The following SELENON variants were observed in gnomAD, a reference collection of about 807,000 sequenced individuals.
The protein encoded by SELENON is selenoprotein N.
In SELENON, 44 loss-of-function variants were observed where a neutral mutation model predicts 59.5. The observed-to-expected ratio is 0.74, with a 90% CI of 0.58 to 0.95. The LOEUF is 0.95. Among genes scored for constraint, SELENON ranks in the 40% least tolerant of loss-of-function variants. SELENON has a pLI of 0.00. For missense variants in SELENON, 674 were observed against 721.4 expected (o/e 0.93, Z 0.75); for synonymous variants, 320 against 305.6 (o/e 1.05, Z -0.49).
chr1:25,803,594 C>T (rs1557427501), intron 3 of SELENON, among the ~76,000 whole-genome samples: 1 of 152,124 alleles, frequency 6.6e-6, no homozygotes, highest in Non-Finnish European at 1.5e-5. Flanking sequence ...AACATTATTA[C>T]CAACTCCATT....
At chr1:25,809,886 G>A (rs2047944161) in intron 7 of SELENON, 66 bp downstream of exon 6, 10 of 1,582,406 alleles carry the variant, frequency 6.3e-6, no homozygotes, top group African/African-American at 4.0e-5. Context: ...CCAGCTCCAG[G>A]AGCCTAGGGG....
At chr1:25,813,050 C>G (rs1259876832) in intron 10 of SELENON, among the ~76,000 whole-genome samples, 1 of 152,186 alleles carries the variant, frequency 6.6e-6, no homozygotes, top group East Asian at 1.9e-4. Context: ...CAAGTGTCTT[C>G]CCCTCTGTGA....
chr1:25,801,205 A>G (rs1269988385), intron 2 of SELENON, 45 bp downstream of exon 2: 7 of 1,478,038 alleles, frequency 4.7e-6, no homozygotes, highest in African/African-American at 1.4e-5. Context: ...GCCTTGGCCA[A>G]CGGTGTCTTC....
In SELENON at chr1:25,811,693, G is replaced by C; in HGVS notation, c.1095G>C (p.Met365Ile). 1 of 1,610,896 alleles carries C rather than the reference G, an allele frequency of 6.2e-7. No homozygotes were observed. The highest frequency in any genetic ancestry group is 8.5e-7 in the Non-Finnish European group (1 of 1,178,674). Residue 365 changes from methionine to isoleucine, a missense_variant and splice_region_variant, in exon 9 of 13, where the codon ATG becomes ATC. Met to Ile is a conservative substitution (Grantham distance 10, BLOSUM62 1). Coordinates refer to ENST00000361547, the MANE Select transcript of SELENON (RefSeq NM_020451.3). ...CCTACCACTGACCTCTGGCCCAGAT[G>C]GAGCTGGAGGCCACGGGCCCCTCTG... is the stretch of plus-strand genomic sequence containing the variant.
intron 12 of SELENON, among the ~76,000 whole-genome samples, 156 bp from the exon 12 acceptor site, chr1:25,815,392 G>A (rs979426519): frequency 6.6e-6 from 1 of 152,182 alleles, no homozygotes; most frequent in Non-Finnish European, 1.5e-5. Context: ...GTCGGGTGCT[G>A]GCGAGGGCTT....
chr1:25,815,755 C>A lies in SELENON; in HGVS notation c.*37C>A, dbSNP rs1398263062. 4 of 1,608,228 alleles carry A rather than the reference C, an allele frequency of 2.5e-6. No individual in the cohort carries two copies. On this transcript the variant is annotated 3_prime_UTR_variant, in exon 13 of 13. Transcript: ENST00000361547. ...GGGATCTGATGCACAGGCCCCCACG[C>A]CTCAGAGCCAGAGTGGTCCTCAGCC...
chr1:25,812,012 A>C, intron 9 of SELENON, 133 bp downstream of exon 8: 1 of 993,664 alleles, frequency 1.0e-6, no homozygotes, highest in Non-Finnish European at 1.5e-6. Context: ...TGTTGGGCCC[A>C]GCTGTGCCAG....
intron 7 of SELENON, among the ~76,000 whole-genome samples, chr1:25,810,824 G>A (rs1431812030): frequency 1.3e-5 from 2 of 152,212 alleles, no homozygotes; most frequent in Non-Finnish European, 1.5e-5. Flanking sequence ...TGCCTCCATC[G>A]CAGGGTTGTT....
chr1:25,800,258 G>T lies in SELENON; in HGVS notation c.28G>T (p.Gly10Trp). ...GGGCCGGGCCCGGCCGGGCCAACGC[G>T]GGCCGCCCAGCCCCGGCCCCGCCGC... is the stretch of plus-strand genomic sequence containing the variant. The change falls in exon 1 of 13, where the codon GGG becomes TGG. Residue 10 changes from glycine (G) to tryptophan (W), a missense_variant. Coordinates refer to ENST00000361547, the MANE Select transcript of SELENON (RefSeq NM_020451.3). The T allele has an allele frequency of 1.1e-6, 1 of 932,822 alleles. No homozygotes were observed. The highest frequency in any genetic ancestry group is 1.3e-6 in the Non-Finnish European group (1 of 784,870). The allele number at this position is 932,822 out of a possible 1,614,324, so 57.8% of individuals were successfully genotyped here.
intron 7 of SELENON, among the ~76,000 whole-genome samples, chr1:25,810,758 G>A (rs1045505929): frequency 2.0e-5 from 3 of 152,194 alleles, no homozygotes; most frequent in African/African-American, 7.2e-5. Flanking sequence ...CGGTCAAAGG[G>A]AAAAGGAAGA....
rs760681887 is a variant in SELENON at position 25,805,200 on chromosome 1, GACGCTC to G, written c.465_470del (p.Leu156_Thr157del). 2 of 1,614,154 alleles carry G rather than the reference GACGCTC, an allele frequency of 1.2e-6. No homozygotes were observed. The highest frequency in any genetic ancestry group is 1.7e-6 in the Non-Finnish European group (2 of 1,180,024). ...AGTTGCCCCCTGACCCTAGCGAGGAGACGCTCACCATAGAAGCCCGATTCCAGCCTC... is the reference window on the plus strand; with the variant it reads ...AGTTGCCCCCTGACCCTAGCGAGGAGACCATAGAAGCCCGATTCCAGCCTC... On this transcript the variant is annotated inframe_deletion, in exon 4 of 13. Coordinates refer to ENST00000361547, the MANE Select transcript of SELENON (RefSeq NM_020451.3).
intron 4 of SELENON, among the ~76,000 whole-genome samples, chr1:25,805,640 TTATTTCCCACACACTATGA>T (rs2047900286): frequency 7.0e-6 from 1 of 143,684 alleles, no homozygotes; most frequent in African/African-American, 3.0e-5. Flanking sequence ...ACTATGATGA[TTATTTCCCACACACTATGA>T]TGATTACTTC....
rs1415329267 is a variant in SELENON at position 25,817,716 on chromosome 1, G to A, written c.*1998G>A. 2.0e-5 allele frequency: 3 copies of A among 152,220 alleles called. No homozygotes were observed. The highest frequency in any genetic ancestry group is 4.4e-5 in the Non-Finnish European group (3 of 68,052). The allele number at this position is 152,220 out of a possible 1,614,324, so 9.4% of individuals were successfully genotyped here. On this transcript the variant is annotated 3_prime_UTR_variant, in exon 13 of 13. Transcript: ENST00000361547. ...ACATGTGGCTCCAAAGTCTGCATCTGGATTTGGGGGTGTTTTTTGGCATGG... is the reference window on the plus strand; with the variant it reads ...ACATGTGGCTCCAAAGTCTGCATCTAGATTTGGGGGTGTTTTTTGGCATGG...
intron 10 of SELENON, among the ~76,000 whole-genome samples, chr1:25,813,375 T>C (rs1572236431): frequency 6.6e-6 from 1 of 152,128 alleles, no homozygotes; most frequent in African/African-American, 2.4e-5. Flanking sequence ...GTCCCTGCCC[T>C]CAAAGGGGGA....
At chr1:25,812,863 A>G in intron 10 of SELENON, 71 bp downstream of exon 9, 1 of 1,169,434 alleles carries the variant, frequency 8.6e-7, no homozygotes, top group Non-Finnish European at 1.3e-6. Context: ...AGAGGCTCTG[A>G]GACCAATGGG....
chr1:25,805,331 TCTGCTC>T, intron 4 of SELENON, 56 bp downstream of exon 3: 2 of 1,610,550 alleles, frequency 1.2e-6, no homozygotes, highest in East Asian at 4.5e-5. Flanking sequence ...AAGATGAGTT[TCTGCTC>T]CATTCATCCA....
At chr1:25,810,480 C>A (rs187328664) in intron 7 of SELENON, among the ~76,000 whole-genome samples, 1 of 152,308 alleles carries the variant, frequency 6.6e-6, no homozygotes, top group Non-Finnish European at 1.5e-5. Context: ...CCTGAGTGAC[C>A]GCTCTACAGG....
intron 3 of SELENON, among the ~76,000 whole-genome samples, chr1:25,804,210 G>A (rs1200322376): frequency 6.6e-6 from 1 of 152,136 alleles, no homozygotes; most frequent in Non-Finnish European, 1.5e-5. Context: ...CTCATTAAAA[G>A]GGCAGATTCC....
At position 25,801,075 on chromosome 1, in the gene SELENON, C is replaced by T. The variant is rs747665368; in HGVS notation, c.216C>T (p.Gly72=). 7 of 1,614,038 alleles carry T rather than the reference C, an allele frequency of 4.3e-6. No individual in the cohort carries two copies. The highest frequency in any genetic ancestry group is 1.6e-4 in the Middle Eastern group (1 of 6,084). Reference sequence around the variant, plus strand: ...CGCTGAAGACCCTGGGGACAGATGGCCTTTTTCTCTTTTCCTCCTTGGACA... The same window carrying T: ...CGCTGAAGACCCTGGGGACAGATGGTCTTTTTCTCTTTTCCTCCTTGGACA... The change falls in exon 2 of 13, where the codon GGC becomes GGT. Residue 72 remains glycine (G), a synonymous_variant. Transcript: ENST00000361547.
Sources: allele counts gnomAD v4.1 joint callset (sites outside exome capture counted in the v4.1 genomes callset), GRCh38; gene constraint gnomAD v4.1.1; transcripts MANE v1.5; gene names NCBI Gene and HGNC (gene_info 2026-07-23, HGNC 2026-07-21).